Variants in ARID4A observed in about 807,000 individuals in gnomAD.
The protein encoded by ARID4A is AT-rich interactive domain-containing protein 4A.
In ARID4A, 39 loss-of-function variants were observed where a neutral mutation model predicts 148.6. The ratio of observed to expected loss-of-function variants is 0.26; its 90% CI spans 0.20 to 0.34. The LOEUF is 0.34. ARID4A is among the 10% of genes least tolerant of loss of function. ARID4A has a pLI of 1.00. For missense variants in ARID4A, 1,265 were observed against 1,449.1 expected (o/e 0.87, Z 2.06); for synonymous variants, 475 against 481.2 (o/e 0.99, Z 0.17).
chr14:58,347,850 G>T lies in ARID4A; in HGVS notation c.1376G>T (p.Arg459Ile). 2 of 1,612,332 alleles carry T rather than the reference G, an allele frequency of 1.2e-6. No individual in the cohort carries two copies. Among genetic ancestry groups the T allele is most frequent in the Non-Finnish European group, 1.7e-6 (2 of 1,179,228 alleles). ...ENIDSNSESE[R>I]EEIELKSPRG... is the part of the protein sequence containing the mutation. ...ATCGATTCAAACAGTGAAAGTGAAA[G>T]AGAAGAGATAGAATTAAAATCTCCG... is the stretch of plus-strand genomic sequence containing the variant. The change falls in exon 15 of 24, where the codon AGA (arginine) becomes ATA (isoleucine). Residue 459 changes from arginine (R) to isoleucine (I), a missense_variant. Transcript: ENST00000355431.
intron 5 of ARID4A, among the ~76,000 whole-genome samples, chr14:58,313,901 T>C (rs977887228): frequency 6.6e-6 from 1 of 151,964 alleles, no homozygotes; most frequent in Non-Finnish European, 1.5e-5. Context: ...AATTGGATGG[T>C]ACTTGCCCAC....
At chr14:58,356,254 T>C (rs1446279743) in intron 17 of ARID4A, among the ~76,000 whole-genome samples, 1 of 152,212 alleles carries the variant, frequency 6.6e-6, no homozygotes, top group Non-Finnish European at 1.5e-5. Flanking sequence ...CTGTGCTTCT[T>C]GGTTGTCTGA....
chr14:58,337,246 T>TTATATATATATATATATATA lies in ARID4A; in HGVS notation c.906+7080_906+7099dup, dbSNP rs57605969. ...AAATCTCCTAGAACCTTCTCTTTAT[T>TTATATATATATATATATATA]TATATATATATATATATATATAATT... On this transcript the variant is annotated intron_variant, in intron 11 of 23. Coordinates refer to ENST00000355431, the MANE Select transcript of ARID4A (RefSeq NM_002892.4). Among the ~76,000 whole-genome samples, 802 of 83,646 alleles carry TTATATATATATATATATATA rather than the reference T, an allele frequency of 9.6e-3. 46 individuals carry two copies. Among genetic ancestry groups the TTATATATATATATATATATA allele is most frequent in the African/African-American group, 0.015 (372 of 24,044 alleles). 54.9% of individuals were successfully genotyped at this position (83,646 alleles called of 152,430 possible). A position where few individuals can be genotyped will look rare whatever the true frequency, so the allele number is the denominator to read the frequency against.
At position 58,318,711 on chromosome 14, in the gene ARID4A, A is replaced by T; in HGVS notation, c.355A>T (p.Thr119Ser). 6.2e-7 allele frequency: 1 copy of T among 1,613,940 alleles called. No homozygotes were observed. Among genetic ancestry groups the T allele is most frequent in the Non-Finnish European group, 8.5e-7 (1 of 1,179,840 alleles). ...TTTAATTAATCTATTTCTTATACAG[A>T]CACTTGACCAGCTTCCATTAACAAA... The part of the protein sequence containing the change: ...KGERHFAESE[T>S]LDQLPLTNPE... Residue 119 changes from threonine (T) to serine (S), a missense_variant and splice_region_variant, in exon 7 of 24, where the codon ACA becomes TCA. Coordinates refer to ENST00000355431, the MANE Select transcript of ARID4A (RefSeq NM_002892.4).
intron 7 of ARID4A, among the ~76,000 whole-genome samples, chr14:58,323,088 G>C (rs1436940093): frequency 6.7e-6 from 1 of 149,240 alleles, no homozygotes; most frequent in African/African-American, 2.5e-5. Flanking sequence ...GTTTTAATGA[G>C]ATATTTTCAT....
In ARID4A at chr14:58,329,601, C is replaced by A. The variant is rs758314987; in HGVS notation, c.736C>A (p.Pro246Thr). Residue 246 changes from proline to threonine, a missense_variant, in exon 10 of 24, where the codon CCA becomes ACA. Physicochemically the swap from Pro to Thr is conservative, Grantham distance 38. Transcript: ENST00000355431. ...NLPESELSTK[P>T]GLQKASIFLK... The stretch of plus-strand genomic sequence containing the variant: ...ACCGGAATCTGAGCTCTCCACTAAA[C>A]CAGGTAAAATAAAGATGAATTACCC... 6 of 1,595,802 alleles carry A rather than the reference C, an allele frequency of 3.8e-6. No homozygotes were observed. The highest frequency in any genetic ancestry group is 4.3e-6 in the Non-Finnish European group (5 of 1,163,700).
chr14:58,340,058 C>A (rs56165756), intron 11 of ARID4A, among the ~76,000 whole-genome samples: 2,744 of 152,232 alleles, frequency 0.018, 94 homozygotes, highest in African/African-American at 0.062. Context: ...CAGAGCCAAA[C>A]CATATCAGTT....
intron 5 of ARID4A, among the ~76,000 whole-genome samples, chr14:58,318,292 A>G (rs544361930): frequency 6.6e-6 from 1 of 152,328 alleles, no homozygotes; most frequent in South Asian, 2.1e-4. Context: ...GTGGTTCTGT[A>G]GTGATAGAAA....
chr14:58,367,008 T>A lies in ARID4A; in HGVS notation c.3649T>A (p.Leu1217Ile). The change falls in exon 23 of 24, where the codon TTA becomes ATA. Residue 1217 changes from leucine (L) to isoleucine (I), a missense_variant. Leu to Ile is a conservative substitution (Grantham distance 5, BLOSUM62 2). This residue lies in a region of ARID4A where 666 missense variants were observed against 730.9 expected (regional missense o/e 0.91). Coordinates refer to ENST00000355431, the MANE Select transcript of ARID4A (RefSeq NM_002892.4). ...VATIDRRRKR[L>I]KKKDREVSHA... ...AACCATAGACAGGAGGAGAAAAAGA[T>A]TAAAAAAGAAAGACAGGGAAGGTAA... The A allele has an allele frequency of 6.7e-7, 1 of 1,495,822 alleles. No individual in the cohort carries two copies. The highest frequency in any genetic ancestry group is 2.6e-5 in the East Asian group (1 of 39,152). The allele number at this position is 1,495,822 out of a possible 1,614,324, so 92.7% of individuals were successfully genotyped here. A position where few individuals can be genotyped will look rare whatever the true frequency, so the allele number is the denominator to read the frequency against.
intron 17 of ARID4A, among the ~76,000 whole-genome samples, chr14:58,354,214 A>G (rs1170278099): frequency 1.3e-5 from 2 of 152,236 alleles, no homozygotes; most frequent in African/African-American, 4.8e-5. Flanking sequence ...TTCTGTGGAG[A>G]CATATTACTG....
chr14:58,325,926 AAAAT>A (rs1158103758), intron 8 of ARID4A, among the ~76,000 whole-genome samples: 3 of 152,274 alleles, frequency 2.0e-5, no homozygotes, highest in East Asian at 3.9e-4. Flanking sequence ...TTGAAAATAA[AAAAT>A]AAGTAAGACA....
chr14:58,359,958 C>T lies in ARID4A; in HGVS notation c.1938+742C>T, dbSNP rs536377780. ...GCCGGCGCCTGTAGTCCCAGCTACT[C>T]GGGAGGCTGAGGCAGGAGAATGGCG... On this transcript the variant is annotated intron_variant, in intron 18 of 23. Transcript: ENST00000355431. Among the ~76,000 whole-genome samples, 37 of 150,842 alleles carry T rather than the reference C, an allele frequency of 2.5e-4. No individual in the cohort carries two copies. In the South Asian group the frequency reaches 5.0e-3, roughly 20 times the overall value.
At chr14:58,305,324 T>C (rs2031519012) in intron 4 of ARID4A, among the ~76,000 whole-genome samples, 1 of 152,158 alleles carries the variant, frequency 6.6e-6, no homozygotes, top group African/African-American at 2.4e-5. Flanking sequence ...TGAGGTGATG[T>C]TTAGCCTTCT....
intron 11 of ARID4A, among the ~76,000 whole-genome samples, chr14:58,332,611 T>C (rs778653666): frequency 3.3e-5 from 5 of 152,118 alleles, no homozygotes; most frequent in Non-Finnish European, 4.4e-5. Flanking sequence ...AAAAGCACTT[T>C]ATATACAACA....
At chr14:58,345,752 ACAGAG>A (rs2034333095) in intron 12 of ARID4A, among the ~76,000 whole-genome samples, 2 of 55,994 alleles carry the variant, frequency 3.6e-5, no homozygotes, top group African/African-American at 1.6e-4. Flanking sequence ...TTTTTTTGTG[ACAGAG>A]TCTTACTCTG....
At chr14:58,316,097 G>A (rs1356657761) in intron 5 of ARID4A, among the ~76,000 whole-genome samples, 1 of 152,154 alleles carries the variant, frequency 6.6e-6, no homozygotes, top group Non-Finnish European at 1.5e-5. Flanking sequence ...AAGGCAAAGT[G>A]TTTGCTAATA....
At chr14:58,322,980 A>AAAAAAAAAAAT (rs1255021613) in intron 7 of ARID4A, among the ~76,000 whole-genome samples, 5 of 114,314 alleles carry the variant, frequency 4.4e-5, no homozygotes, top group Admixed American at 1.0e-4. Flanking sequence ...AAAAAAAAAA[A>AAAAAAAAAAAT]ATATATATAT....
At chr14:58,361,490 A>G (rs191810606) in intron 19 of ARID4A, among the ~76,000 whole-genome samples, 53 of 152,308 alleles carry the variant, frequency 3.5e-4, no homozygotes, top group Admixed American at 3.9e-4. Flanking sequence ...TTGACTCTGA[A>G]TTTATATGCC....
chr14:58,312,093 C>T (rs759937216), intron 5 of ARID4A, among the ~76,000 whole-genome samples: 2 of 152,076 alleles, frequency 1.3e-5, no homozygotes, highest in Non-Finnish European at 2.9e-5. Flanking sequence ...TGAGTGTTCT[C>T]ACCACACACA....
Sources: gnomAD v4.1 joint callset for allele counts (sites outside exome capture counted in the v4.1 genomes callset) on GRCh38, gnomAD v4.1.1 for gene constraint, gnomAD v4.1.1 regional missense constraint, MANE v1.5 for transcripts, NCBI Gene and HGNC (gene_info 2026-07-23, HGNC 2026-07-21) for gene names.